The following DUOXA1 variants were observed in gnomAD, a reference collection of about 807,000 sequenced individuals.
The protein encoded by DUOXA1 is dual oxidase activator 1.
A neutral mutation model predicts 26.6 loss-of-function variants in DUOXA1; 19 were observed. The observed-to-expected ratio is 0.71, with a 90% CI of 0.50 to 1.05. The LOEUF (loss-of-function observed/expected upper bound fraction) is 1.05. DUOXA1 is among the 50% of genes least tolerant of loss of function. DUOXA1 has a pLI of 0.00. For missense variants in DUOXA1, 403 were observed against 427.5 expected, an observed-to-expected ratio of 0.94 and a Z score of 0.51; for synonymous variants, 166 against 177.0, an observed-to-expected ratio of 0.94 and a Z score of 0.49.
chr15:45,118,967 T>A lies in DUOXA1; in HGVS notation c.*139A>T. ...TTTTTTAACATCAGTATATAGAGCC[T>A]CCTTTTTCTACTCCGTCTGTAGATT... On this transcript the variant is annotated 3_prime_UTR_variant, in exon 9 of 9. Transcript: ENST00000560572. 1 of 1,431,614 alleles carries A rather than the reference T, an allele frequency of 7.0e-7. No homozygotes were observed. The highest frequency in any genetic ancestry group is 9.1e-7 in the Non-Finnish European group (1 of 1,094,358). The allele number at this position is 1,431,614 out of a possible 1,614,324, so 88.7% of individuals were successfully genotyped here.
chr15:45,124,512 G>C (rs1374178202), intron 3 of DUOXA1, among the ~76,000 whole-genome samples: 1 of 151,864 alleles, frequency 6.6e-6, no homozygotes, highest in African/African-American at 2.4e-5. Context: ...CCATTATTTT[G>C]TTTGTTTGTT....
chr15:45,119,709 C>G (rs979096913), intron 8 of DUOXA1, among the ~76,000 whole-genome samples: 1 of 151,836 alleles, frequency 6.6e-6, no homozygotes, highest in Non-Finnish European at 1.5e-5. Flanking sequence ...GAGTAGACAG[C>G]GGGACAGGAG....
chr15:45,119,901 T>C (rs1405231607), intron 8 of DUOXA1, among the ~76,000 whole-genome samples: 3 of 126,750 alleles, frequency 2.4e-5, no homozygotes, highest in Non-Finnish European at 3.3e-5. Flanking sequence ...TACAAGGGAG[T>C]GGGCATCTCT....
Position 45,124,356 on chromosome 15 carries a change from A to C in DUOXA1, c.-29-1313T>G, listed in dbSNP as rs138311698. 2.6e-5 allele frequency among the ~76,000 whole-genome samples: 4 copies of C among 151,132 alleles called. No homozygotes were observed. In the East Asian group the frequency reaches 7.7e-4, roughly 29 times the overall value. Reference sequence around the variant, plus strand: ...ATGAGATTGTGTATATAAAGTGCTGAGAATAGTACTGGAAACAAATAAGCT... The same window carrying C: ...ATGAGATTGTGTATATAAAGTGCTGCGAATAGTACTGGAAACAAATAAGCT... On this transcript the variant is annotated intron_variant, in intron 3 of 8. Transcript: ENST00000560572.
At chr15:45,120,847 C>T in intron 6 of DUOXA1, 42 bp from the exon 7 acceptor site, 2 of 1,604,054 alleles carry the variant, frequency 1.2e-6, no homozygotes, top group Non-Finnish European at 1.7e-6. Context: ...ACCCAAGGGC[C>T]AGAGTGGGGC....
At position 45,118,131 on chromosome 15, in the gene DUOXA1, GCTTCTCC is replaced by G; in HGVS notation, c.*968_*974del. ...ACTGTTTTTCCCATTAATTTTCATGGCTTCTCCGCGCCGGGGTCGCACGTCCTCATGA... is the reference window on the plus strand; with the variant it reads ...ACTGTTTTTCCCATTAATTTTCATGGGCGCCGGGGTCGCACGTCCTCATGA... On this transcript the variant is annotated 3_prime_UTR_variant, in exon 9 of 9. Coordinates refer to ENST00000560572, the MANE Select transcript of DUOXA1 (RefSeq NM_001276266.2). The G allele has an allele frequency of 1.2e-5, 18 of 1,441,950 alleles. No individual in the cohort carries two copies. The highest frequency in any genetic ancestry group is 8.2e-5 in the Admixed American group (3 of 36,378). 89.3% of individuals were successfully genotyped at this position (1,441,950 alleles called of 1,614,324 possible). A position where few individuals can be genotyped will look rare whatever the true frequency, so the allele number is the denominator to read the frequency against.
At position 45,117,507 on chromosome 15, in the gene DUOXA1, C is replaced by T. The variant is rs563066816; in HGVS notation, c.*1599G>A. ...AAGGGTTTGGTGTCTTGCCGTGTTT[C>T]ATGTAATTCAGATTAGAGGTGTGTG... On this transcript the variant is annotated 3_prime_UTR_variant, in exon 9 of 9. Transcript: ENST00000560572. 43 of 1,553,592 alleles carry T rather than the reference C, an allele frequency of 2.8e-5. No individual in the cohort carries two copies. In the South Asian group the frequency reaches 4.7e-4, roughly 17 times the overall value.
In DUOXA1 at chr15:45,120,806, C is replaced by G; in HGVS notation, c.341-1G>C. 1.2e-6 allele frequency: 2 copies of G among 1,613,966 alleles called. No homozygotes were observed. The highest frequency in any genetic ancestry group is 1.7e-6 in the Non-Finnish European group (2 of 1,179,928). The stretch of plus-strand genomic sequence containing the variant: ...TCATTCAGCTGCTGCACGGGGGTCC[C>G]TAGGGCACAAGGCAGCTCTGCTCAG... On this transcript the variant is annotated splice_acceptor_variant, in intron 6 of 8. Coordinates refer to ENST00000560572, the MANE Select transcript of DUOXA1 (RefSeq NM_001276266.2). LOFTEE classifies it high-confidence loss of function.
Position 45,118,304 on chromosome 15 carries a change from C to G in DUOXA1, c.*802G>C. On this transcript the variant is annotated 3_prime_UTR_variant, in exon 9 of 9. Coordinates refer to ENST00000560572, the MANE Select transcript of DUOXA1 (RefSeq NM_001276266.2). ...CAGAGCTAGCATCTTTCTGAACCACCCCAGGGGGACGTTAGGTGGCAGTGA... is the reference window on the plus strand; with the variant it reads ...CAGAGCTAGCATCTTTCTGAACCACGCCAGGGGGACGTTAGGTGGCAGTGA... 1 of 1,270,526 alleles carries G rather than the reference C, an allele frequency of 7.9e-7. No homozygotes were observed. The highest frequency in any genetic ancestry group is 9.9e-7 in the Non-Finnish European group (1 of 1,008,762). 78.7% of individuals were successfully genotyped at this position (1,270,526 alleles called of 1,614,324 possible).
chr15:45,127,728 G>A (rs919520681), intron 3 of DUOXA1, among the ~76,000 whole-genome samples: 11 of 152,068 alleles, frequency 7.2e-5, no homozygotes, highest in African/African-American at 1.7e-4. Flanking sequence ...TTTCTGGCTC[G>A]TCAAGTAACA....
intron 3 of DUOXA1, among the ~76,000 whole-genome samples, chr15:45,125,493 G>T (rs1002239166): frequency 6.6e-6 from 1 of 152,146 alleles, no homozygotes; most frequent in Admixed American, 6.5e-5. Flanking sequence ...AAAAAACAGT[G>T]TATATTGGCA....
At chr15:45,128,615 C>T (rs1048292611) in intron 3 of DUOXA1, among the ~76,000 whole-genome samples, 2 of 152,252 alleles carry the variant, frequency 1.3e-5, no homozygotes, top group South Asian at 4.1e-4. Flanking sequence ...TGTGTTGTTG[C>T]ACAAAAATAG....
At chr15:45,122,784 C>A in intron 4 of DUOXA1, 84 bp downstream of exon 4, 1 of 1,481,904 alleles carries the variant, frequency 6.7e-7, no homozygotes, top group South Asian at 1.4e-5. Context: ...CCTTCCTTAG[C>A]CTGGTTGTAG....
In DUOXA1 at chr15:45,121,330, G is replaced by T. The variant is rs777860466; in HGVS notation, c.206-109C>A. 12 of 1,510,634 alleles carry T rather than the reference G, an allele frequency of 7.9e-6. No homozygotes were observed. The South Asian group carries it at 1.4e-4, about 17-fold the overall frequency. The allele number at this position is 1,510,634 out of a possible 1,614,324, so 93.6% of individuals were successfully genotyped here. On this transcript the variant is annotated intron_variant, in intron 5 of 8. Transcript: ENST00000560572. ...TCCATGTCTGTTTTGGTCATAACTG[G>T]ATACCCGTTAACTAGCCAGGGTCTG...
At chr15:45,121,887 C>T (rs1317434376) in intron 5 of DUOXA1, among the ~76,000 whole-genome samples, 1 of 152,336 alleles carries the variant, frequency 6.6e-6, no homozygotes, top group South Asian at 2.1e-4. Flanking sequence ...CCCATTTCCT[C>T]CCTTCCTTTC....
chr15:45,117,518 G>A lies in DUOXA1; in HGVS notation c.*1588C>T. Reference sequence around the variant, plus strand: ...GTCTTGCCGTGTTTCATGTAATTCAGATTAGAGGTGTGTGGCGGGAGGTAA... The same window carrying A: ...GTCTTGCCGTGTTTCATGTAATTCAAATTAGAGGTGTGTGGCGGGAGGTAA... On this transcript the variant is annotated 3_prime_UTR_variant, in exon 9 of 9. Transcript: ENST00000560572. 1 of 1,555,412 alleles carries A rather than the reference G, an allele frequency of 6.4e-7. No individual in the cohort carries two copies. The highest frequency in any genetic ancestry group is 1.2e-5 in the South Asian group (1 of 84,958).
In DUOXA1 at chr15:45,119,110, A is replaced by C; in HGVS notation, c.1028T>G (p.Leu343Ter). ...TGGCCTCCACGGGGAGGAATGTTAT[A>C]AAGCACAATCAGGATCTTTGGGGTG... ...EAHPKDPDCA[L>*] The change falls in exon 9 of 9, where the codon TTA (leucine) becomes TGA (stop). Residue 343 changes from leucine to a stop codon, truncating the protein, a stop_gained. Transcript: ENST00000560572. LOFTEE classifies it high-confidence loss of function. 1.3e-6 allele frequency: 2 copies of C among 1,579,672 alleles called. No individual in the cohort carries two copies. The highest frequency in any genetic ancestry group is 1.7e-6 in the Non-Finnish European group (2 of 1,154,974).
chr15:45,123,023 G>A lies in DUOXA1; in HGVS notation c.-9C>T, dbSNP rs770145430. The A allele has an allele frequency of 1.0e-5, 16 of 1,606,018 alleles. No individual in the cohort carries two copies. The African/African-American group carries it at 1.6e-4, about 16-fold the overall frequency. On this transcript the variant is annotated 5_prime_UTR_variant, in exon 4 of 9. Transcript: ENST00000560572. Reference sequence around the variant, plus strand: ...TGTCCCAAAGTAGCCATCTTGGTGAGGTGGTGCAGGGGGGGCAATGCTGTA... The same window carrying A: ...TGTCCCAAAGTAGCCATCTTGGTGAAGTGGTGCAGGGGGGGCAATGCTGTA...
intron 3 of DUOXA1, among the ~76,000 whole-genome samples, chr15:45,123,727 C>G (rs1895438112): frequency 1.3e-5 from 2 of 152,250 alleles, no homozygotes; most frequent in Admixed American, 6.5e-5. Context: ...AGATGTCCTT[C>G]TATTCCACAC....
Sources: allele counts gnomAD v4.1 joint callset (sites outside exome capture counted in the v4.1 genomes callset), GRCh38; gene constraint gnomAD v4.1.1; transcripts MANE v1.5; gene names NCBI Gene and HGNC (gene_info 2026-07-23, HGNC 2026-07-21).